Variants in AK8 observed in about 807,000 individuals in gnomAD.
AK8 encodes ATP-AMP transphosphorylase 8.
Under a neutral mutation model 54.6 loss-of-function variants are expected in AK8, and 44 were observed. The observed-to-expected ratio is 0.81, with a 90% CI of 0.63 to 1.04. AK8 has a LOEUF of 1.04. Among genes scored for constraint, AK8 ranks in the 50% least tolerant of loss-of-function variants. The pLI is 0.00. For missense variants in AK8, 555 were observed against 613.6 expected (o/e 0.90, Z 1.01); for synonymous variants, 239 against 245.6 (o/e 0.97, Z 0.25).
chr9:132,861,969 GATA>G (rs1843407314), intron 4 of AK8, among the ~76,000 whole-genome samples: 1 of 152,124 alleles, frequency 6.6e-6, no homozygotes, highest in South Asian at 2.1e-4. Context: ...GAAATATGTT[GATA>G]ATTAGCAAAA....
chr9:132,755,767 G>A (rs1403473355), intron 11 of AK8, among the ~76,000 whole-genome samples: 4 of 115,998 alleles, frequency 3.4e-5, no homozygotes, highest in African/African-American at 1.0e-4. Flanking sequence ...CCAACTCTCA[G>A]ATTTTTTTTT....
rs184366942 is a variant in AK8 at position 132,790,686 on chromosome 9, C to T, written c.1121+1948G>A. Among the ~76,000 whole-genome samples, 11 of 152,018 alleles carry T rather than the reference C, an allele frequency of 7.2e-5. No individual in the cohort carries two copies. The highest frequency in any genetic ancestry group is 2.0e-4 in the Admixed American group (3 of 15,272). On this transcript the variant is annotated intron_variant, in intron 11 of 12. Coordinates refer to ENST00000298545, the MANE Select transcript of AK8 (RefSeq NM_152572.3). This position sits in a 1 kb window ranked among gnomAD's most constrained non-coding sequence, Gnocchi z 4.1. Reference sequence around the variant, plus strand: ...TCATGACACCCTGTTCTGAAAGTACCGCCCAACAAGAGTAAAATGAAAAGT... The same window carrying T: ...TCATGACACCCTGTTCTGAAAGTACTGCCCAACAAGAGTAAAATGAAAAGT...
At chr9:132,833,840 C>G (rs1842208724) in intron 5 of AK8, among the ~76,000 whole-genome samples, 1 of 152,282 alleles carries the variant, frequency 6.6e-6, no homozygotes, top group African/African-American at 2.4e-5. Flanking sequence ...CTTTTGCCCT[C>G]CTGACTATTA....
intron 11 of AK8, among the ~76,000 whole-genome samples, chr9:132,779,322 T>C (rs1839362670): frequency 6.6e-6 from 1 of 152,226 alleles, no homozygotes. Context: ...TTTATTTATG[T>C]ATTTATTCAT....
chr9:132,792,762 G>A lies in AK8; in HGVS notation c.993C>T (p.Leu331=), dbSNP rs755778888. The stretch of plus-strand genomic sequence containing the variant: ...GGCGCTGGCTCAGCACCTTCATGAG[G>A]AGGCTGTCAGGAACTGCAGAGAAGG... The part of the protein sequence containing the change: ...FEKEMAVPDS[L]LMKVLSQRLD... The change falls in exon 11 of 13, where the codon CTC becomes CTT. Residue 331 remains leucine (L), a synonymous_variant. Transcript: ENST00000298545. 3.1e-5 allele frequency: 49 copies of A among 1,560,392 alleles called. No individual in the cohort carries two copies. The South Asian group carries it at 5.8e-4, about 18-fold the overall frequency.
chr9:132,878,539 C>A, upstream of AK8: 1 of 1,171,012 alleles, frequency 8.5e-7, no homozygotes, highest in Non-Finnish European at 1.1e-6. The surrounding 1 kb of genome is among the most constrained non-coding windows in gnomAD (Gnocchi z 4.7). Flanking sequence ...ATCTGAGACC[C>A]CCGACGAAAC....
chr9:132,808,835 C>T (rs1274836601), intron 10 of AK8, among the ~76,000 whole-genome samples: 3 of 152,176 alleles, frequency 2.0e-5, no homozygotes, highest in Non-Finnish European at 4.4e-5. Flanking sequence ...AGGCCAGCAG[C>T]CGGGAGCACA....
chr9:132,843,691 T>C (rs1842629858), intron 5 of AK8, among the ~76,000 whole-genome samples: 1 of 152,152 alleles, frequency 6.6e-6, no homozygotes, highest in Non-Finnish European at 1.5e-5. Context: ...ACCACATTTA[T>C]TTTAAAATAA....
intron 5 of AK8, among the ~76,000 whole-genome samples, chr9:132,853,767 G>C (rs977673316): frequency 8.8e-5 from 9 of 102,458 alleles, no homozygotes; most frequent in Non-Finnish European, 1.3e-4. Flanking sequence ...CTGGGCAACA[G>C]AGCAAGACTC....
At position 132,877,990 on chromosome 9, in the gene AK8, A is replaced by C. The variant is rs767232553; in HGVS notation, c.84+182T>G. The stretch of plus-strand genomic sequence containing the variant: ...TGAGGCAAACCCGGGCAGGACCAGG[A>C]GCGTCCCCAGCTCGAGGGCCCCCTC... On this transcript the variant is annotated intron_variant, in intron 1 of 12. Coordinates refer to ENST00000298545, the MANE Select transcript of AK8 (RefSeq NM_152572.3). The C allele has an allele frequency of 2.7e-6, 4 of 1,459,762 alleles. No individual in the cohort carries two copies. The South Asian group carries it at 4.9e-5, about 18-fold the overall frequency. The allele number at this position is 1,459,762 out of a possible 1,614,324, so 90.4% of individuals were successfully genotyped here. A position where few individuals can be genotyped will look rare whatever the true frequency, so the allele number is the denominator to read the frequency against.
chr9:132,859,184 C>T (rs776229581), intron 4 of AK8, among the ~76,000 whole-genome samples: 2 of 152,154 alleles, frequency 1.3e-5, no homozygotes, highest in Non-Finnish European at 2.9e-5. Flanking sequence ...TGGGCTGTTT[C>T]CTAGAAATCC....
At chr9:132,785,884 AATTCCAG>A (rs1839682557) in intron 11 of AK8, among the ~76,000 whole-genome samples, 1 of 152,256 alleles carries the variant, frequency 6.6e-6, no homozygotes, top group Admixed American at 6.5e-5. Flanking sequence ...TCAGAGTTTG[AATTCCAG>A]ATAAAAATGG....
intron 5 of AK8, among the ~76,000 whole-genome samples, chr9:132,829,589 C>A (rs1270130942): frequency 7.5e-6 from 1 of 133,188 alleles, no homozygotes; most frequent in Non-Finnish European, 1.7e-5. Context: ...CAGGAACACC[C>A]CATTTTTCTT....
intron 9 of AK8, among the ~76,000 whole-genome samples, chr9:132,821,157 G>A (rs1841582551): frequency 6.6e-6 from 1 of 151,506 alleles, no homozygotes; most frequent in Non-Finnish European, 1.5e-5. Flanking sequence ...TTGAATGAGA[G>A]TGTCTGCATC....
chr9:132,848,841 G>A lies in AK8; in HGVS notation c.402+6016C>T, dbSNP rs1462510955. Reference sequence around the variant, plus strand: ...GCCGAGCTTGGAAGTCAGGTGACTGGGAGGGAACTTAGTTAAAATGAAAGT... The same window carrying A: ...GCCGAGCTTGGAAGTCAGGTGACTGAGAGGGAACTTAGTTAAAATGAAAGT... On this transcript the variant is annotated intron_variant, in intron 5 of 12. Coordinates refer to ENST00000298545, the MANE Select transcript of AK8 (RefSeq NM_152572.3). 4.6e-5 allele frequency among the ~76,000 whole-genome samples: 7 copies of A among 152,116 alleles called. 1 individual carries two copies. Among genetic ancestry groups the A allele is most frequent in the Non-Finnish European group, 7.3e-5 (5 of 68,032 alleles).
At chr9:132,755,391 T>C (rs977725096) in intron 11 of AK8, among the ~76,000 whole-genome samples, 3 of 152,076 alleles carry the variant, frequency 2.0e-5, no homozygotes, top group East Asian at 1.9e-4. Context: ...TCCCACCTGA[T>C]TGCACCGGCT....
intron 7 of AK8, 116 bp from the exon 8 acceptor site, chr9:132,827,170 G>A: frequency 2.0e-6 from 2 of 1,019,420 alleles, no homozygotes; most frequent in East Asian, 2.4e-5. Context: ...TTCCTGGGGT[G>A]TGGCTGACCA....
In AK8 at chr9:132,807,881, G is replaced by A. The variant is rs184441278; in HGVS notation, c.979+6757C>T. On this transcript the variant is annotated intron_variant, in intron 10 of 12. Coordinates refer to ENST00000298545, the MANE Select transcript of AK8 (RefSeq NM_152572.3). ...AATTCAGAAATTTCAAACACACTTCGGTAGGAATGGAGCTATGGGGAAGGA... is the reference window on the plus strand; with the variant it reads ...AATTCAGAAATTTCAAACACACTTCAGTAGGAATGGAGCTATGGGGAAGGA... Among the ~76,000 whole-genome samples, 9 of 152,164 alleles carry A rather than the reference G, an allele frequency of 5.9e-5. No homozygotes were observed. The South Asian group carries it at 6.2e-4, about 11-fold the overall frequency.
chr9:132,855,463 G>A (rs148861901), intron 4 of AK8, among the ~76,000 whole-genome samples: 135 of 152,312 alleles, frequency 8.9e-4, no homozygotes, highest in African/African-American at 2.8e-3. Context: ...CAGCAGAGGC[G>A]AGTGTGTCCA....
Sources: gnomAD v4.1 joint callset for allele counts (sites outside exome capture counted in the v4.1 genomes callset) on GRCh38, gnomAD v4.1.1 for gene constraint, Gnocchi (gnomAD v3.1) non-coding constraint, MANE v1.5 for transcripts, NCBI Gene and HGNC (gene_info 2026-07-23, HGNC 2026-07-21) for gene names.